The following MAST4 variants were observed in gnomAD, a reference collection of about 807,000 sequenced individuals.
MAST4 encodes the protein microtubule-associated serine/threonine-protein kinase 4.
In MAST4, 89 loss-of-function variants were observed where a neutral mutation model predicts 162.7. The observed-to-expected ratio is 0.55, with a 90% CI of 0.46 to 0.65. The LOEUF (loss-of-function observed/expected upper bound fraction) is 0.65, where lower values mean the gene tolerates loss of function less well. MAST4 is among the 30% of genes least tolerant of loss of function. MAST4 has a pLI of 0.00. For missense variants in MAST4, 3,153 were observed against 3,374.0 expected (o/e 0.93, Z 1.62); for synonymous variants, 1,479 against 1,361.1 (o/e 1.09, Z -1.91).
chr5:66,859,842 A>T (rs1052383585), intron 3 of MAST4, among the ~76,000 whole-genome samples: 1 of 152,228 alleles, frequency 6.6e-6, no homozygotes, highest in African/African-American at 2.4e-5. Context: ...CCATCATCCT[A>T]AAAGTTAGGC....
At chr5:66,618,611 A>G (rs1743872177) in intron 1 of MAST4, among the ~76,000 whole-genome samples, 1 of 152,206 alleles carries the variant, frequency 6.6e-6, no homozygotes, top group Admixed American at 6.5e-5. Context: ...TCTGTATTGA[A>G]GGGAGACAGA....
chr5:67,110,309 C>T (rs1366130175), intron 11 of MAST4, 110 bp downstream of exon 11: 5 of 752,724 alleles, frequency 6.6e-6, no homozygotes, highest in African/African-American at 3.5e-5. Context: ...TGGAAAGAGT[C>T]AAAGGGAATT....
chr5:66,964,625 C>A (rs1746455345), intron 4 of MAST4, among the ~76,000 whole-genome samples: 1 of 152,166 alleles, frequency 6.6e-6, no homozygotes, highest in Admixed American at 6.5e-5. Flanking sequence ...CACGGTGAAA[C>A]CCCGTCTCTA....
chr5:67,163,335 A>G lies in MAST4; in HGVS notation c.4156A>G (p.Thr1386Ala), dbSNP rs755599035. The G allele has an allele frequency of 1.2e-6, 2 of 1,612,308 alleles. No individual in the cohort carries two copies. The highest frequency in any genetic ancestry group is 2.2e-5 in the South Asian group (2 of 91,024). Residue 1386 changes from threonine to alanine, a missense_variant, in exon 29 of 29, where the codon ACC becomes GCC. Thr to Ala is a moderately conservative substitution (Grantham distance 58, BLOSUM62 0). This residue lies in a region of MAST4 where 619 missense variants were observed against 744.2 expected (regional missense o/e 0.83). Transcript: ENST00000403625. This position sits in a 1 kb window ranked among gnomAD's most constrained non-coding sequence, Gnocchi z 7.0. ...CCCGCTGGCCCGGACGCCCTCTCCA[A>G]CCCCGCAACCCACCTCCCCGCAGCG... The part of the protein sequence containing the change: ...LSPLARTPSP[T>A]PQPTSPQRSP...
chr5:67,118,532 T>A (rs1767191578), intron 12 of MAST4, 150 bp from the exon 13 acceptor site: 1 of 592,394 alleles, frequency 1.7e-6, no homozygotes, highest in Non-Finnish European at 3.0e-6. Context: ...TTGCTGCCTT[T>A]TTTTAGATTT....
At chr5:66,825,939 TGA>T (rs1757232488) in intron 3 of MAST4, among the ~76,000 whole-genome samples, 2 of 152,112 alleles carry the variant, frequency 1.3e-5, no homozygotes, top group African/African-American at 4.8e-5. Flanking sequence ...ACAGGAAAAA[TGA>T]GTTTATTAAT....
intron 1 of MAST4, among the ~76,000 whole-genome samples, chr5:66,744,341 T>C (rs1752633034): frequency 1.3e-5 from 2 of 152,202 alleles, no homozygotes; most frequent in African/African-American, 4.8e-5. Context: ...GTCAGAGCTA[T>C]CCACTGTAGA....
intron 12 of MAST4, among the ~76,000 whole-genome samples, chr5:67,117,277 G>A (rs1051265821): frequency 1.1e-4 from 17 of 152,266 alleles, no homozygotes; most frequent in South Asian, 2.1e-4. Flanking sequence ...TGAATGAGAC[G>A]AAGAAAGGAC....
At chr5:66,788,607 C>CCAAAAAAAAAAAAAACAA in intron 2 of MAST4, 63 bp from the exon 3 acceptor site, 1 of 1,373,728 alleles carries the variant, frequency 7.3e-7, no homozygotes, top group Non-Finnish European at 1.0e-6. Context: ...CCCCCACCCC[C>CCAAAAAAAAAAAAAACAA]ATTGCAATAA....
At chr5:67,120,805 T>G (rs1767485836) in intron 13 of MAST4, among the ~76,000 whole-genome samples, 1 of 152,146 alleles carries the variant, frequency 6.6e-6, no homozygotes, top group Non-Finnish European at 1.5e-5. Context: ...TGCCTGGAAG[T>G]GTGGATTCGC....
At chr5:66,638,129 G>A (rs1199008332) in intron 1 of MAST4, among the ~76,000 whole-genome samples, 2 of 152,036 alleles carry the variant, frequency 1.3e-5, no homozygotes, top group Non-Finnish European at 2.9e-5. Flanking sequence ...GAACCTTCAA[G>A]AGCTCCTTAC....
At chr5:66,822,051 G>A (rs1580536820) in intron 3 of MAST4, among the ~76,000 whole-genome samples, 2 of 152,264 alleles carry the variant, frequency 1.3e-5, no homozygotes, top group Middle Eastern at 3.4e-3. Context: ...CTGATGATAA[G>A]CCCATAATAT....
At chr5:66,959,861 G>GTT (rs563842060) in intron 4 of MAST4, among the ~76,000 whole-genome samples, 8,739 of 146,992 alleles carry the variant, frequency 0.059, 331 homozygotes, top group Middle Eastern at 0.11. Flanking sequence ...TTGCTTAGCT[G>GTT]TTTTTTTTTT....
At chr5:66,965,586 G>GC (rs1561486308) in intron 4 of MAST4, among the ~76,000 whole-genome samples, 16 of 99,208 alleles carry the variant, frequency 1.6e-4, no homozygotes, top group African/African-American at 5.9e-4. Flanking sequence ...ATTGGTGGGG[G>GC]CGGGGGGGGG....
intron 4 of MAST4, among the ~76,000 whole-genome samples, chr5:66,916,709 G>T (rs1242278608): frequency 6.6e-6 from 1 of 152,100 alleles, no homozygotes; most frequent in Non-Finnish European, 1.5e-5. Flanking sequence ...GCTACTACCT[G>T]TCTTAAACAA....
intron 4 of MAST4, among the ~76,000 whole-genome samples, chr5:66,956,092 G>A (rs1275531936): frequency 6.6e-6 from 1 of 151,860 alleles, no homozygotes; most frequent in Non-Finnish European, 1.5e-5. Flanking sequence ...CAACATGCTG[G>A]AATTACAGGC....
rs547579105 is a variant in MAST4 at position 67,138,669 on chromosome 5, A to C, written c.2494+2005A>C. ...GGCTGGTCTTGAACTCCTGGCCTCA[A>C]GTGATCCACCCACCTCGGCCTCCCA... On this transcript the variant is annotated intron_variant, in intron 19 of 28. Coordinates refer to ENST00000403625, the MANE Select transcript of MAST4 (RefSeq NM_001164664.2). 3.3e-5 allele frequency among the ~76,000 whole-genome samples: 5 copies of C among 152,174 alleles called. No homozygotes were observed. The East Asian group carries it at 9.7e-4, about 29-fold the overall frequency.
chr5:67,034,350 T>C (rs962311183), intron 4 of MAST4, among the ~76,000 whole-genome samples: 1 of 152,148 alleles, frequency 6.6e-6, no homozygotes, highest in Admixed American at 6.6e-5. Context: ...ACGGGATCCA[T>C]GTCAGGTGAT....
At chr5:67,062,243 C>T (rs1759708641) in intron 5 of MAST4, among the ~76,000 whole-genome samples, 1 of 152,044 alleles carries the variant, frequency 6.6e-6, no homozygotes, top group Admixed American at 6.6e-5. Flanking sequence ...ACTAAAAATA[C>T]AAAAATTAGC....
Sources: gnomAD v4.1 joint callset for allele counts (sites outside exome capture counted in the v4.1 genomes callset) on GRCh38, gnomAD v4.1.1 for gene constraint, gnomAD v4.1.1 regional missense constraint, Gnocchi (gnomAD v3.1) non-coding constraint, MANE v1.5 for transcripts, NCBI Gene and HGNC (gene_info 2026-07-23, HGNC 2026-07-21) for gene names.